The following PXDN variants were observed in gnomAD, a reference collection of about 807,000 sequenced individuals.
PXDN encodes the protein peroxidasin.
Under a neutral mutation model 140.3 loss-of-function variants are expected in PXDN, and 77 were observed. The observed-to-expected ratio is 0.55, with a 90% CI of 0.46 to 0.66. PXDN has a LOEUF of 0.66. Ranked by LOEUF, PXDN falls within the 30% of genes least tolerant of loss-of-function variation. The pLI, the probability that PXDN is intolerant of heterozygous loss-of-function variation, is 0.00. For missense variants in PXDN, 1,838 were observed against 2,039.5 expected (o/e 0.90, Z 1.90); for synonymous variants, 911 against 857.4 (o/e 1.06, Z -1.09).
chr2:1,654,885 C>T (rs945099377), intron 14 of PXDN, among the ~76,000 whole-genome samples: 2 of 152,066 alleles, frequency 1.3e-5, no homozygotes, highest in African/African-American at 2.4e-5. Context: ...AGATCTCGTC[C>T]ATTCCTCTCA....
upstream of PXDN, chr2:1,744,640 G>A (rs994762520): frequency 6.0e-6 from 3 of 501,886 alleles, no homozygotes; most frequent in Middle Eastern, 6.4e-4. Flanking sequence ...GAGAACCCGG[G>A]GCCCCAGCGT....
intron 13 of PXDN, among the ~76,000 whole-genome samples, chr2:1,661,741 C>A (rs1683309152): frequency 6.6e-6 from 1 of 152,136 alleles, no homozygotes; most frequent in Non-Finnish European, 1.5e-5. Context: ...ATGATGAGAC[C>A]ATAGTTCTAT....
At chr2:1,640,752 A>C (rs1682706571) in intron 19 of PXDN, among the ~76,000 whole-genome samples, 1 of 152,208 alleles carries the variant, frequency 6.6e-6, no homozygotes, top group Non-Finnish European at 1.5e-5. Context: ...TGGGGTCAAG[A>C]ATGAGCCTCA....
chr2:1,658,085 T>TCTCCCC lies in PXDN; in HGVS notation c.1837+2795_1837+2796insGGGGAG, dbSNP rs1683206868. Among the ~76,000 whole-genome samples the TCTCCCC allele has an allele frequency of 3.3e-5, 4 of 122,242 alleles. 1 individual carries two copies. Among genetic ancestry groups the TCTCCCC allele is most frequent in the African/African-American group, 1.3e-4 (4 of 31,096 alleles). The allele number at this position is 122,242 out of a possible 152,430, so 80.2% of individuals were successfully genotyped here. A position where few individuals can be genotyped will look rare whatever the true frequency, so the allele number is the denominator to read the frequency against. On this transcript the variant is annotated intron_variant, in intron 14 of 22. Transcript: ENST00000252804. ...CTCTCTCTCTCTCTCTCTCTCTCTC[T>TCTCCCC]CTCTCTCTGTTACAGTGTCTGCGTG...
Position 1,649,629 on chromosome 2 carries a change from G to C in PXDN, c.2151C>G (p.Ile717Met), listed in dbSNP as rs761415955. The C allele has an allele frequency of 1.2e-6, 2 of 1,613,998 alleles. No individual in the cohort carries two copies. Among genetic ancestry groups the C allele is most frequent in the East Asian group, 2.2e-5 (1 of 44,862 alleles). ...DLVSPQYLNLIANLSGCTAHR... is the reference protein window; with the variant it reads ...DLVSPQYLNLMANLSGCTAHR... ...GGGCGGTACAGCCCGACAGGTTTGCGATGAGGTTCAGGTACTGTGGAGACA... is the reference window on the plus strand; with the variant it reads ...GGGCGGTACAGCCCGACAGGTTTGCCATGAGGTTCAGGTACTGTGGAGACA... Residue 717 changes from isoleucine to methionine, a missense_variant, in exon 17 of 23, where the codon ATC becomes ATG. Around this residue, in one of 5 missense-constraint regions of PXDN, gnomAD observed 537 missense variants for 583.9 expected, o/e 0.92. Coordinates refer to ENST00000252804, the MANE Select transcript of PXDN (RefSeq NM_012293.3). This position sits in a 1 kb window ranked among gnomAD's most constrained non-coding sequence, Gnocchi z 7.1.
At chr2:1,742,781 T>C (rs1685576138) in intron 1 of PXDN, among the ~76,000 whole-genome samples, 1 of 152,162 alleles carries the variant, frequency 6.6e-6, no homozygotes, top group Non-Finnish European at 1.5e-5. Context: ...AAAGAAAGCC[T>C]TGGTCTCTCT....
At position 1,639,463 on chromosome 2, in the gene PXDN, T is replaced by A; in HGVS notation, c.3953-41A>T. ...AAAGCAGAATGTCAGCTCTGAAGGCTCTGACCTCGGGGAAATTAAGCACAT... is the reference window on the plus strand; with the variant it reads ...AAAGCAGAATGTCAGCTCTGAAGGCACTGACCTCGGGGAAATTAAGCACAT... On this transcript the variant is annotated intron_variant, in intron 19 of 22. Coordinates refer to ENST00000252804, the MANE Select transcript of PXDN (RefSeq NM_012293.3). This position sits in a 1 kb window ranked among gnomAD's most constrained non-coding sequence, Gnocchi z 5.0. The A allele has an allele frequency of 6.2e-7, 1 of 1,610,452 alleles. No individual in the cohort carries two copies. The highest frequency in any genetic ancestry group is 1.1e-5 in the South Asian group (1 of 90,946).
chr2:1,690,751 A>T (rs1684167940), intron 3 of PXDN, among the ~76,000 whole-genome samples: 1 of 152,134 alleles, frequency 6.6e-6, no homozygotes, highest in Non-Finnish European at 1.5e-5. Flanking sequence ...GTTTATATGA[A>T]ATTAAAAATT....
intron 8 of PXDN, among the ~76,000 whole-genome samples, chr2:1,675,478 A>T (rs1377523282): frequency 1.3e-5 from 2 of 152,214 alleles, no homozygotes; most frequent in Admixed American, 1.3e-4. Flanking sequence ...TTTAAATCTC[A>T]TCAACTTGGG....
chr2:1,735,238 A>G (rs148984018), intron 1 of PXDN, among the ~76,000 whole-genome samples: 170 of 152,042 alleles, frequency 1.1e-3, no homozygotes, highest in African/African-American at 4.0e-3. Flanking sequence ...CTTCTTCTAA[A>G]CTCCTGTACA....
chr2:1,633,605 C>A lies in PXDN; in HGVS notation c.*599G>T, dbSNP rs1327681208. 2 of 151,596 alleles carry A rather than the reference C, an allele frequency of 1.3e-5. No individual in the cohort carries two copies. Among genetic ancestry groups the A allele is most frequent in the East Asian group, 3.9e-4 (2 of 5,128 alleles). The allele number at this position is 151,596 out of a possible 1,614,324, so 9.4% of individuals were successfully genotyped here. The stretch of plus-strand genomic sequence containing the variant: ...GAGGAAGGAGGAGTTCAGAGGTTCC[C>A]AGGGAAGAGGCCGGGGGCTTGCACT... On this transcript the variant is annotated 3_prime_UTR_variant, in exon 23 of 23. Transcript: ENST00000252804.
chr2:1,716,097 G>A (rs954248264), intron 1 of PXDN, among the ~76,000 whole-genome samples: 4 of 152,146 alleles, frequency 2.6e-5, no homozygotes, highest in African/African-American at 9.7e-5. Flanking sequence ...GTGGCTTCCT[G>A]GACAGATGCC....
At chr2:1,666,885 T>A (rs762664628) in intron 9 of PXDN, among the ~76,000 whole-genome samples, 1 of 152,152 alleles carries the variant, frequency 6.6e-6, no homozygotes, top group Non-Finnish European at 1.5e-5. Context: ...ATACAAAATA[T>A]CAAATTTACT....
At chr2:1,697,356 C>G (rs947043048) in intron 1 of PXDN, among the ~76,000 whole-genome samples, 1 of 152,180 alleles carries the variant, frequency 6.6e-6, no homozygotes, top group African/African-American at 2.4e-5. Context: ...CCTTAGCTTA[C>G]TGGTCATCAT....
At chr2:1,635,087 G>T (rs1682513932) in intron 22 of PXDN, among the ~76,000 whole-genome samples, 1 of 150,450 alleles carries the variant, frequency 6.6e-6, no homozygotes, top group South Asian at 2.1e-4. Context: ...GGTTTCCATG[G>T]CATGAGTATT....
In PXDN at chr2:1,638,905, T is replaced by C; in HGVS notation, c.4147A>G (p.Asn1383Asp). ...FSTRSDASGT[N>D]DFREFVLEMQ... ...TCCAGAACAAACTCTCTGAAGTCAT[T>C]TGTCCCAGATGCATCTGAGCGTGTG... Residue 1383 changes from asparagine to aspartate, a missense_variant, in exon 21 of 23, where the codon AAT becomes GAT. By Grantham distance (23) the Asn-to-Asp change is conservative. Transcript: ENST00000252804. 6.2e-7 allele frequency: 1 copy of C among 1,614,014 alleles called. No homozygotes were observed.
At chr2:1,653,048 A>C in intron 16 of PXDN, 1 of 194,350 alleles carries the variant, frequency 5.1e-6, no homozygotes, top group Non-Finnish European at 1.1e-5. Context: ...GTTCATCAAT[A>C]GTACTACTAC....
At chr2:1,726,629 T>C (rs4853762) in intron 1 of PXDN, among the ~76,000 whole-genome samples, 103,098 of 152,078 alleles carry the variant, frequency 0.68, 35,790 homozygotes, top group South Asian at 0.8. Flanking sequence ...TTGCCCATTT[T>C]AGCAAGCTTG....
In PXDN at chr2:1,679,918, GTGGA is replaced by G. The variant is rs1384566802; in HGVS notation, c.730+271_730+274del. Among the ~76,000 whole-genome samples, 114 of 150,272 alleles carry G rather than the reference GTGGA, an allele frequency of 7.6e-4. 3 individuals are homozygous for G. Among genetic ancestry groups the G allele is most frequent in the African/African-American group, 2.5e-3 (102 of 40,590 alleles). On this transcript the variant is annotated intron_variant, in intron 7 of 22. Coordinates refer to ENST00000252804, the MANE Select transcript of PXDN (RefSeq NM_012293.3). ...TGGTGTGTGTGTAAATGGTGTGTGT[GTGGA>G]TGGTGTGTGTGTGTATGTGCGTGTG...
Sources: gnomAD v4.1 joint callset for allele counts (sites outside exome capture counted in the v4.1 genomes callset) on GRCh38, gnomAD v4.1.1 for gene constraint, gnomAD v4.1.1 regional missense constraint, Gnocchi (gnomAD v3.1) non-coding constraint, MANE v1.5 for transcripts, NCBI Gene and HGNC (gene_info 2026-07-23, HGNC 2026-07-21) for gene names.